SYNE2: variants seen among roughly 807,000 people sequenced by gnomAD.
SYNE2 encodes nesprin-2.
Under a neutral mutation model 856.3 loss-of-function variants are expected in SYNE2, and 431 were observed. That is an observed-to-expected ratio of 0.50 (90% CI 0.47 to 0.55). The LOEUF (loss-of-function observed/expected upper bound fraction) is 0.55, where lower values mean the gene tolerates loss of function less well. Among genes scored for constraint, SYNE2 ranks in the 20% least tolerant of loss-of-function variants. The pLI, the probability that SYNE2 is intolerant of heterozygous loss-of-function variation, is 0.00. For synonymous variants in SYNE2, 2,923 were observed against 2,872.3 expected, an observed-to-expected ratio of 1.02 and a Z score of -0.56; for missense variants, 8,129 against 8,023.2, an observed-to-expected ratio of 1.01 and a Z score of -0.50.
At chr14:63,996,558 C>G (rs528561407) in intron 23 of SYNE2, among the ~76,000 whole-genome samples, 1 of 152,028 alleles carries the variant, frequency 6.6e-6, no homozygotes, top group African/African-American at 2.4e-5. Context: ...TCATTATCTT[C>G]GTGCTTTTCG....
At chr14:63,900,830 A>G (rs1329908679) in intron 1 of SYNE2, among the ~76,000 whole-genome samples, 1 of 152,218 alleles carries the variant, frequency 6.6e-6, no homozygotes, top group East Asian at 1.9e-4. Flanking sequence ...GCAGTGTTTC[A>G]CCAACTTTCT....
intron 2 of SYNE2, among the ~76,000 whole-genome samples, chr14:63,937,321 T>A (rs774875038): frequency 3.9e-5 from 6 of 152,184 alleles, no homozygotes; most frequent in Admixed American, 6.5e-5. Flanking sequence ...TGTTTTTGGA[T>A]GGGAGAATTA....
In SYNE2 at chr14:64,029,882, G is replaced by A. The variant is rs1231042826; in HGVS notation, c.6715-13G>A. On this transcript the variant is annotated splice_polypyrimidine_tract_variant and intron_variant, in intron 43 of 115. Transcript: ENST00000555002. ...AGAAATAATTTGTAAATTGTCTGTGGCTTTATTTTTAGGATTCTGTGCAAA... is the reference window on the plus strand; with the variant it reads ...AGAAATAATTTGTAAATTGTCTGTGACTTTATTTTTAGGATTCTGTGCAAA... The A allele has an allele frequency of 2.5e-6, 4 of 1,611,752 alleles. No homozygotes were observed. Among genetic ancestry groups the A allele is most frequent in the African/African-American group, 1.3e-5 (1 of 74,876 alleles).
chr14:64,167,070 G>C (rs970512402), intron 90 of SYNE2, 163 bp from the exon 91 acceptor site: 2 of 803,482 alleles, frequency 2.5e-6, no homozygotes, highest in Non-Finnish European at 4.0e-6. Context: ...TGAGATAGCT[G>C]AATTCAGGTC....
At chr14:63,799,834 A>T (rs1211698400) in intron 1 of SYNE2, among the ~76,000 whole-genome samples, 1 of 152,210 alleles carries the variant, frequency 6.6e-6, no homozygotes, top group Non-Finnish European at 1.5e-5. Flanking sequence ...CTTTTATAAT[A>T]TGAAAGTTAA....
At chr14:64,099,984 A>G (rs2097707979) in intron 63 of SYNE2, 1 of 152,124 alleles carries the variant, frequency 6.6e-6, no homozygotes, top group Admixed American at 6.5e-5. Context: ...TACTGGGTAT[A>G]TACCCAAAGG....
In SYNE2 at chr14:64,137,872, G is replaced by A. The variant is rs887230488; in HGVS notation, c.14732G>A (p.Cys4911Tyr). 7 of 1,614,108 alleles carry A rather than the reference G, an allele frequency of 4.3e-6. No homozygotes were observed. In the African/African-American group the frequency reaches 6.7e-5, roughly 15 times the overall value. The change falls in exon 79 of 116, where the codon TGT becomes TAT. Residue 4911 changes from cysteine to tyrosine, a missense_variant. Coordinates refer to ENST00000555002, the MANE Select transcript of SYNE2 (RefSeq NM_182914.3). ...AAACAGTTGGTGGCGTCTGTGAGCT[G>A]TCCTGAATTAGAGGGCCAGATCGCA... ...EGKQLVASVS[C>Y]PELEGQIAKL...
rs2097733974 is a variant in SYNE2 at position 64,102,012 on chromosome 14, A to C, written c.12462A>C (p.Arg4154Ser). 6.2e-7 allele frequency: 1 copy of C among 1,613,788 alleles called. No individual in the cohort carries two copies. The highest frequency in any genetic ancestry group is 1.3e-5 in the African/African-American group (1 of 74,916). Residue 4154 changes from arginine (R) to serine (S), a missense_variant, in exon 64 of 116, where the codon AGA becomes AGC. Arg to Ser is a moderately radical substitution (Grantham distance 110). Coordinates refer to ENST00000555002, the MANE Select transcript of SYNE2 (RefSeq NM_182914.3). ...ATGACAAGGACATGGAAGAAGACAG[A>C]GCTTCCTCATCCTCTGGAACAATTG... ...WKHDKDMEED[R>S]ASSSSGTIVQ...
At position 63,979,711 on chromosome 14, in the gene SYNE2, G is replaced by A. The variant is rs145547360; in HGVS notation, c.1569+697G>A. Reference sequence around the variant, plus strand: ...GTGGATTGCCTGAGGTCAGGAGTTCGAGACATGGCGAAACCCTGTCTCTAC... The same window carrying A: ...GTGGATTGCCTGAGGTCAGGAGTTCAAGACATGGCGAAACCCTGTCTCTAC... On this transcript the variant is annotated intron_variant, in intron 14 of 115. Transcript: ENST00000555002. 5.7e-3 allele frequency among the ~76,000 whole-genome samples: 871 copies of A among 152,268 alleles called. 11 individuals carry two copies. Among genetic ancestry groups the A allele is most frequent in the African/African-American group, 0.02 (830 of 41,550 alleles).
At chr14:64,013,783 T>C (rs1231011951) in intron 32 of SYNE2, among the ~76,000 whole-genome samples, 1 of 152,176 alleles carries the variant, frequency 6.6e-6, no homozygotes, top group Non-Finnish European at 1.5e-5. Flanking sequence ...AAATATTTTA[T>C]TTAATATTAA....
At chr14:63,891,253 C>A (rs185188217) in intron 1 of SYNE2, among the ~76,000 whole-genome samples, 1 of 152,190 alleles carries the variant, frequency 6.6e-6, no homozygotes, top group East Asian at 1.9e-4. Context: ...TAATTACTTA[C>A]GTAGGCATGA....
chr14:64,077,985 C>T (rs142411678), intron 54 of SYNE2, among the ~76,000 whole-genome samples: 77 of 152,228 alleles, frequency 5.1e-4, no homozygotes, highest in Non-Finnish European at 8.7e-4. Flanking sequence ...CAAATGAATA[C>T]TATGATTGGA....
rs759787996 is a variant in SYNE2, at chr14:64,139,977, G to A, written c.14880G>A (p.Leu4960=). ...NRDSDQLTKW[L]ESSQHTLNYW... The stretch of plus-strand genomic sequence containing the variant: ...ATTCGGATCAGTTAACCAAGTGGTT[G>A]GAATCTTCCCAGCATACTCTGAATT... Residue 4960 remains leucine, a synonymous_variant, in exon 80 of 116, where the codon TTG becomes TTA. Transcript: ENST00000555002. 4 of 1,614,008 alleles carry A rather than the reference G, an allele frequency of 2.5e-6. No individual in the cohort carries two copies. Among genetic ancestry groups the A allele is most frequent in the Non-Finnish European group, 3.4e-6 (4 of 1,179,974 alleles).
intron 45 of SYNE2, among the ~76,000 whole-genome samples, chr14:64,044,612 C>T (rs1448058758): frequency 6.6e-6 from 1 of 151,696 alleles, no homozygotes; most frequent in African/African-American, 2.4e-5. Flanking sequence ...ATTGTAACTC[C>T]CACAATTCCC....
intron 1 of SYNE2, among the ~76,000 whole-genome samples, chr14:63,834,643 C>CT (rs368369862): frequency 0.46 from 62,046 of 134,920 alleles, 14,760 homozygotes; most frequent in South Asian, 0.55. Context: ...CTTTTTCTTT[C>CT]TTTTTTTTTT....
At chr14:63,992,208 T>A (rs2096672119) in intron 21 of SYNE2, among the ~76,000 whole-genome samples, 1 of 151,350 alleles carries the variant, frequency 6.6e-6, no homozygotes, top group Non-Finnish European at 1.5e-5. Context: ...GGATTCTAGG[T>A]GGGTAGAGAT....
At chr14:63,800,046 A>C (rs887286612) in intron 1 of SYNE2, among the ~76,000 whole-genome samples, 23 of 152,170 alleles carry the variant, frequency 1.5e-4, no homozygotes, top group African/African-American at 5.5e-4. Flanking sequence ...TAAGAACTCT[A>C]GTTAAAAAAC....
At chr14:63,942,998 AG>A (rs1812631674) in intron 6 of SYNE2, among the ~76,000 whole-genome samples, 1 of 152,228 alleles carries the variant, frequency 6.6e-6, no homozygotes, top group South Asian at 2.1e-4. Flanking sequence ...CCATAATATC[AG>A]CACCAGTCTG....
chr14:63,810,247 A>G (rs1036038880), intron 1 of SYNE2, among the ~76,000 whole-genome samples: 3 of 151,876 alleles, frequency 2.0e-5, no homozygotes, highest in African/African-American at 7.2e-5. Flanking sequence ...AGAGAGAGAG[A>G]GAAAGAAAAA....
Sources: gnomAD v4.1 joint callset for allele counts (sites outside exome capture counted in the v4.1 genomes callset) on GRCh38, gnomAD v4.1.1 for gene constraint, MANE v1.5 for transcripts, NCBI Gene and HGNC (gene_info 2026-07-23, HGNC 2026-07-21) for gene names.